DSG2: variants seen among roughly 807,000 people sequenced by gnomAD.
DSG2 encodes the protein desmoglein-2.
Under a neutral mutation model 75.6 loss-of-function variants are expected in DSG2, and 45 were observed. The observed-to-expected ratio is 0.60, with a 90% CI of 0.47 to 0.76. The LOEUF is 0.76. Ranked by LOEUF, DSG2 falls within the 30% of genes least tolerant of loss-of-function variation. The pLI, the probability that DSG2 is intolerant of heterozygous loss-of-function variation, is 0.00. For synonymous variants in DSG2, 429 were observed against 483.9 expected (o/e 0.89, Z 1.49); for missense variants, 1,267 against 1,357.4 (o/e 0.93, Z 1.05).
Position 31,527,765 on chromosome 18 carries a change from GTTGC to G in DSG2, c.1014+2880_1014+2883del, listed in dbSNP as rs745706526. Among the ~76,000 whole-genome samples the G allele has an allele frequency of 8.8e-4, 134 of 152,318 alleles. 1 individual carries two copies. Among genetic ancestry groups the G allele is most frequent in the Middle Eastern group, 3.4e-3 (1 of 294 alleles). ...GCTACAACAAAATGCCATCATCTGG[GTTGC>G]TTATTAACAACAGAAATTTATTTCT... On this transcript the variant is annotated intron_variant, in intron 8 of 14. Transcript: ENST00000261590.
At chr18:31,538,570 A>C (rs2073246099) in intron 11 of DSG2, among the ~76,000 whole-genome samples, 181 bp from the exon 12 acceptor site, 1 of 152,216 alleles carries the variant, frequency 6.6e-6, no homozygotes, top group Non-Finnish European at 1.5e-5. Context: ...TTGCTATTTA[A>C]ACTGCATATT....
chr18:31,526,661 A>G (rs1449898614), intron 8 of DSG2, among the ~76,000 whole-genome samples: 1 of 152,204 alleles, frequency 6.6e-6, no homozygotes, highest in Non-Finnish European at 1.5e-5. Flanking sequence ...AAGGAGAAAC[A>G]GTCAGATATT....
At chr18:31,535,546 A>G (rs930626079) in intron 10 of DSG2, 134 bp downstream of exon 10, 19 of 784,012 alleles carry the variant, frequency 2.4e-5, no homozygotes, top group Middle Eastern at 3.9e-4. Context: ...CTGTAATCCC[A>G]GCACTTTGGG....
At chr18:31,498,404 C>T in intron 1 of DSG2, 108 bp downstream of exon 1, 1 of 1,155,978 alleles carries the variant, frequency 8.7e-7, no homozygotes, top group Non-Finnish European at 1.1e-6. Context: ...GCGTTACCTG[C>T]CCGGCGCTCC....
At position 31,545,694 on chromosome 18, in the gene DSG2, GTTTGT is replaced by G. The variant is rs1377181661; in HGVS notation, c.2335-13_2335-9del. ...ATTGCTAATTATTTGTCTGTTTTGT[GTTTGT>G]TTTGTTTTGTTTTCATTTTAGAAAG... On this transcript the variant is annotated intron_variant, in intron 14 of 14. Coordinates refer to ENST00000261590, the MANE Select transcript of DSG2 (RefSeq NM_001943.5). 3.1e-6 allele frequency: 5 copies of G among 1,609,068 alleles called. No individual in the cohort carries two copies. In the African/African-American group the frequency reaches 4.0e-5, roughly 13 times the overall value.
Position 31,519,652 on chromosome 18 carries a change from A to G in DSG2, c.82-151A>G, listed in dbSNP as rs920231570. The G allele has an allele frequency of 2.2e-5, 17 of 781,106 alleles. No homozygotes were observed. In the South Asian group the frequency reaches 2.9e-4, roughly 13 times the overall value. The allele number at this position is 781,106 out of a possible 1,614,324, so 48.4% of individuals were successfully genotyped here. A position where few individuals can be genotyped will look rare whatever the true frequency, so the allele number is the denominator to read the frequency against. On this transcript the variant is annotated intron_variant, in intron 2 of 14. Transcript: ENST00000261590. ...CCCTATGCAGTTTGCTAGAATATATATATTCCCTTTTAGACAATGAAGCCT... is the reference window on the plus strand; with the variant it reads ...CCCTATGCAGTTTGCTAGAATATATGTATTCCCTTTTAGACAATGAAGCCT...
intron 7 of DSG2, 48 bp from the exon 8 acceptor site, chr18:31,524,653 CTT>C (rs780485749): frequency 5.0e-6 from 8 of 1,603,494 alleles, no homozygotes; most frequent in South Asian, 3.3e-5. Context: ...AAATATATCA[CTT>C]ATATTTGTAT....
Position 31,542,616 on chromosome 18 carries a change from A to C in DSG2, c.2098A>C (p.Ser700Arg). The change falls in exon 14 of 15, where the codon AGC becomes CGC. Residue 700 changes from serine (S) to arginine (R), a missense_variant. By Grantham distance (110) the Ser-to-Arg change is moderately radical. Transcript: ENST00000261590. Reference sequence around the variant, plus strand: ...CAAGGAAGCCACGATGAAAGGAAGTAGCTCTGCTTCCATTGTCAAAGGGCA... The same window carrying C: ...CAAGGAAGCCACGATGAAAGGAAGTCGCTCTGCTTCCATTGTCAAAGGGCA... Reference protein sequence around the residue: ...MAKEATMKGSSSASIVKGQHE... With the variant: ...MAKEATMKGSRSASIVKGQHE... 1.2e-6 allele frequency: 2 copies of C among 1,614,216 alleles called. No individual in the cohort carries two copies. Among genetic ancestry groups the C allele is most frequent in the Middle Eastern group, 1.6e-4 (1 of 6,062 alleles).
chr18:31,519,970 A>G, intron 3 of DSG2, 33 bp downstream of exon 3: 2 of 1,614,002 alleles, frequency 1.2e-6, no homozygotes, highest in Non-Finnish European at 1.7e-6. Context: ...AAATACATGC[A>G]TATGACTAAA....
Position 31,508,913 on chromosome 18 carries a change from T to G in DSG2, c.46-9326T>G, listed in dbSNP as rs75727526. 1.4e-4 allele frequency among the ~76,000 whole-genome samples: 22 copies of G among 152,272 alleles called. No individual in the cohort carries two copies. The South Asian group carries it at 2.5e-3, about 17-fold the overall frequency. On this transcript the variant is annotated intron_variant, in intron 1 of 14. Transcript: ENST00000261590. ...CAGGAAACTTGTTAGATACAAATTC[T>G]TGGACCCCATCCAGACCTACTGAGT...
At chr18:31,532,845 A>G (rs1199596120) in intron 9 of DSG2, among the ~76,000 whole-genome samples, 2 of 152,198 alleles carry the variant, frequency 1.3e-5, no homozygotes, top group African/African-American at 4.8e-5. Context: ...TTATATACCA[A>G]TAATATGTGG....
At chr18:31,511,446 T>C (rs1324806255) in intron 1 of DSG2, among the ~76,000 whole-genome samples, 1 of 152,200 alleles carries the variant, frequency 6.6e-6, no homozygotes, top group African/African-American at 2.4e-5. Flanking sequence ...ATTAAGAATG[T>C]GTTCTGTGAG....
In DSG2 at chr18:31,524,645, AT is replaced by A. The variant is rs1481635994; in HGVS notation, c.829-57del. On this transcript the variant is annotated intron_variant, in intron 7 of 14. Transcript: ENST00000261590. ...ATTTATATTTCAGTCCTAATTAAAA[AT>A]ATATCACTTATATTTGTATTTCATT... 6.0e-5 allele frequency: 97 copies of A among 1,604,726 alleles called. 1 individual carries two copies. The Admixed American group carries it at 7.3e-4, about 12-fold the overall frequency.
At chr18:31,500,814 T>G (rs1294838419) in intron 1 of DSG2, among the ~76,000 whole-genome samples, 1 of 152,200 alleles carries the variant, frequency 6.6e-6, no homozygotes, top group African/African-American at 2.4e-5. Flanking sequence ...TCAAGGGTTC[T>G]TTGCAATCCA....
chr18:31,513,780 C>T (rs1054601657), intron 1 of DSG2, among the ~76,000 whole-genome samples: 1 of 152,182 alleles, frequency 6.6e-6, no homozygotes, highest in East Asian at 1.9e-4. Context: ...AACTTTACAA[C>T]GGAGAAACTG....
At chr18:31,499,357 CGTGTGTGTGTGT>C (rs34693299) in intron 1 of DSG2, among the ~76,000 whole-genome samples, 5 of 149,636 alleles carry the variant, frequency 3.3e-5, no homozygotes, top group African/African-American at 1.2e-4. Context: ...GGAAGAAAAT[CGTGTGTGTGTGT>C]GTGTGTGTGT....
chr18:31,534,591 A>G (rs1411076069), intron 9 of DSG2, among the ~76,000 whole-genome samples: 1 of 143,728 alleles, frequency 7.0e-6, no homozygotes, highest in African/African-American at 2.6e-5. Context: ...GCTCACTGCA[A>G]CCTCCACCTC....
Position 31,512,447 on chromosome 18 carries a change from G to A in DSG2, c.46-5792G>A, listed in dbSNP as rs151232961. 9.4e-3 allele frequency among the ~76,000 whole-genome samples: 1,429 copies of A among 152,352 alleles called. 27 individuals are homozygous for A. Among genetic ancestry groups the A allele is most frequent in the African/African-American group, 0.033 (1,374 of 41,574 alleles). On this transcript the variant is annotated intron_variant, in intron 1 of 14. Transcript: ENST00000261590. The stretch of plus-strand genomic sequence containing the variant: ...TATGTATTGCACGTGCTTCTGCAAT[G>A]ATGCAATGACTACAGTCTGGTCTCT...
intron 1 of DSG2, among the ~76,000 whole-genome samples, chr18:31,499,245 A>G (rs2073001397): frequency 6.6e-6 from 1 of 152,234 alleles, no homozygotes; most frequent in Admixed American, 6.5e-5. Flanking sequence ...AATCATACTC[A>G]GTTTTCTTAC....
Sources: allele counts gnomAD v4.1 joint callset (sites outside exome capture counted in the v4.1 genomes callset), GRCh38; gene constraint gnomAD v4.1.1; transcripts MANE v1.5; gene names NCBI Gene and HGNC (gene_info 2026-07-23, HGNC 2026-07-21).